ADAM12: variants seen among roughly 807,000 people sequenced by gnomAD.
The protein encoded by ADAM12 is ADAM metallopeptidase domain 12.
In ADAM12, 70 loss-of-function variants were observed where a neutral mutation model predicts 106.4. The ratio of observed to expected loss-of-function variants is 0.66; its 90% confidence interval spans 0.54 to 0.80. ADAM12 has a LOEUF of 0.80. Ranked by LOEUF, ADAM12 falls within the 30% of genes least tolerant of loss-of-function variation. The pLI is 0.00. For missense variants in ADAM12, 1,010 were observed against 1,171.9 expected, an observed-to-expected ratio of 0.86 and a Z score of 2.02; for synonymous variants, 420 against 433.5, an observed-to-expected ratio of 0.97 and a Z score of 0.39.
At chr10:126,025,017 AG>A (rs1338172578) in intron 21 of ADAM12, among the ~76,000 whole-genome samples, 2 of 152,152 alleles carry the variant, frequency 1.3e-5, no homozygotes, top group Non-Finnish European at 2.9e-5. Context: ...ACTGTTAAAC[AG>A]AAAACAACAA....
At chr10:126,162,788 A>G (rs886111397) in intron 3 of ADAM12, among the ~76,000 whole-genome samples, 1 of 152,158 alleles carries the variant, frequency 6.6e-6, no homozygotes, top group African/African-American at 2.4e-5. Context: ...GAGATGGGTC[A>G]CTCATAAAGG....
intron 3 of ADAM12, among the ~76,000 whole-genome samples, chr10:126,160,977 C>T (rs1676733): frequency 0.15 from 23,159 of 152,256 alleles, 1,940 homozygotes; most frequent in Non-Finnish European, 0.19. Flanking sequence ...CTCTTGGTTT[C>T]AGTGTTGTCT....
At chr10:126,098,380 A>G in intron 10 of ADAM12, 36 bp downstream of exon 10, 1 of 1,560,690 alleles carries the variant, frequency 6.4e-7, no homozygotes, top group Non-Finnish European at 8.8e-7. Flanking sequence ...GGGAATCATT[A>G]TCAAGGGGAA....
At chr10:126,193,264 CAAAAAAAAAAAA>C (rs757716875) in intron 3 of ADAM12, among the ~76,000 whole-genome samples, 4 of 26,630 alleles carry the variant, frequency 1.5e-4, no homozygotes, top group Admixed American at 1.4e-3. Flanking sequence ...GACTCCATCT[CAAAAAAAAAAAA>C]AAAAAAAAAA....
At chr10:126,314,939 C>G (rs1224010801) in intron 2 of ADAM12, among the ~76,000 whole-genome samples, 2 of 152,100 alleles carry the variant, frequency 1.3e-5, no homozygotes, top group African/African-American at 4.8e-5. Context: ...AGCAGACTGC[C>G]CCAGTTTGTA....
chr10:126,255,230 T>C (rs1958867445), intron 3 of ADAM12, among the ~76,000 whole-genome samples: 1 of 152,218 alleles, frequency 6.6e-6, no homozygotes, highest in South Asian at 2.1e-4. Flanking sequence ...GGTTTCTTCC[T>C]GTCTTCCTTT....
chr10:126,221,097 A>G (rs1958082617), intron 3 of ADAM12, among the ~76,000 whole-genome samples: 1 of 152,224 alleles, frequency 6.6e-6, no homozygotes, highest in South Asian at 2.1e-4. Flanking sequence ...TTTAGAAGAG[A>G]AGGAGGCTGG....
At chr10:126,087,199 A>G (rs992389546) in intron 11 of ADAM12, among the ~76,000 whole-genome samples, 1 of 152,134 alleles carries the variant, frequency 6.6e-6, no homozygotes, top group African/African-American at 2.4e-5. Context: ...GGGGAGGACA[A>G]TTCTAACTTG....
At chr10:126,059,380 C>T (rs539077179) in intron 14 of ADAM12, among the ~76,000 whole-genome samples, 1 of 152,296 alleles carries the variant, frequency 6.6e-6, no homozygotes, top group South Asian at 2.1e-4. Flanking sequence ...CTGTATTGTC[C>T]TTCCCATCTC....
chr10:126,306,132 C>A (rs111811101), intron 2 of ADAM12, among the ~76,000 whole-genome samples: 2,196 of 151,810 alleles, frequency 0.014, 50 homozygotes, highest in African/African-American at 0.047. Context: ...CATCCTTCTA[C>A]TTATTTTCTT....
chr10:126,260,716 C>T (rs1036655791), intron 3 of ADAM12, among the ~76,000 whole-genome samples: 3 of 152,148 alleles, frequency 2.0e-5, no homozygotes, highest in South Asian at 2.1e-4. Flanking sequence ...AACCAGAGAC[C>T]ATCAATCTTA....
chr10:126,342,077 G>A lies in ADAM12; in HGVS notation c.89-11568C>T, dbSNP rs141868076. Among the ~76,000 whole-genome samples, 1,211 of 152,300 alleles carry A rather than the reference G, an allele frequency of 8.0e-3. 6 individuals are homozygous for A. The highest frequency in any genetic ancestry group is 0.014 in the Middle Eastern group (4 of 294). On this transcript the variant is annotated intron_variant, in intron 1 of 22. Coordinates refer to ENST00000448723, the MANE Select transcript of ADAM12 (RefSeq NM_001288973.2). The stretch of plus-strand genomic sequence containing the variant: ...TCCTATGCCCCATGCCCGACAGCAG[G>A]AATGTTCATTTCCCTTTTTCCCCAC...
At chr10:126,322,392 G>A (rs958751617) in intron 2 of ADAM12, among the ~76,000 whole-genome samples, 1 of 152,146 alleles carries the variant, frequency 6.6e-6, no homozygotes, top group African/African-American at 2.4e-5. Context: ...TTTTCTCACC[G>A]TGCAGTGGTT....
At chr10:126,166,509 T>TTTTTTG (rs1221680265) in intron 3 of ADAM12, among the ~76,000 whole-genome samples, 1 of 151,792 alleles carries the variant, frequency 6.6e-6, no homozygotes, top group Non-Finnish European at 1.5e-5. Context: ...TTGTTTTTTG[T>TTTTTTG]TTTTTTTGAG....
intron 3 of ADAM12, among the ~76,000 whole-genome samples, chr10:126,236,832 TG>T (rs1958427353): frequency 6.6e-6 from 1 of 152,106 alleles, no homozygotes; most frequent in Non-Finnish European, 1.5e-5. Context: ...GAGAAACCCC[TG>T]GGGACAGCAC....
chr10:126,256,067 T>C (rs1475939398), intron 3 of ADAM12, among the ~76,000 whole-genome samples: 2 of 152,184 alleles, frequency 1.3e-5, no homozygotes, highest in African/African-American at 4.8e-5. Flanking sequence ...CTCAACCCTG[T>C]TGCTTCTGCA....
chr10:126,374,083 AG>A (rs1322796453), intron 1 of ADAM12, among the ~76,000 whole-genome samples: 7 of 152,368 alleles, frequency 4.6e-5, no homozygotes, highest in African/African-American at 1.4e-4. Flanking sequence ...GGTGAGGGTT[AG>A]GGAGTTTCGC....
At chr10:126,309,863 C>T (rs1001017353) in intron 2 of ADAM12, among the ~76,000 whole-genome samples, 3 of 151,946 alleles carry the variant, frequency 2.0e-5, no homozygotes, top group Admixed American at 6.6e-5. Context: ...TTAACAGAAG[C>T]GACAGATGAA....
intron 2 of ADAM12, among the ~76,000 whole-genome samples, chr10:126,301,550 A>G (rs1960624837): frequency 6.6e-6 from 1 of 152,154 alleles, no homozygotes; most frequent in African/African-American, 2.4e-5. Context: ...GAACCTCCAC[A>G]TTTCTAGGCT....
Sources: gnomAD v4.1 joint callset for allele counts (sites outside exome capture counted in the v4.1 genomes callset) on GRCh38, gnomAD v4.1.1 for gene constraint, MANE v1.5 for transcripts, NCBI Gene and HGNC (gene_info 2026-07-23, HGNC 2026-07-21) for gene names.